The following MECOM variants were observed in gnomAD, a reference collection of about 807,000 sequenced individuals.
MECOM encodes the protein MDS1 and EVI1 complex locus.
In MECOM, 13 loss-of-function variants were observed where a neutral mutation model predicts 116.3. That is an observed-to-expected ratio of 0.11 (90% confidence interval 0.07 to 0.18). The LOEUF (loss-of-function observed/expected upper bound fraction) is 0.18. MECOM is among the 10% of genes least tolerant of loss of function. The pLI, the probability that MECOM is intolerant of heterozygous loss-of-function variation, is 1.00. For missense variants in MECOM, 1,299 were observed against 1,509.0 expected, an observed-to-expected ratio of 0.86 and a Z score of 2.31; for synonymous variants, 528 against 535.2, an observed-to-expected ratio of 0.99 and a Z score of 0.19.
At chr3:169,158,193 T>A (rs1742298263) in intron 2 of MECOM, among the ~76,000 whole-genome samples, 1 of 152,254 alleles carries the variant, frequency 6.6e-6, no homozygotes, top group African/African-American at 2.4e-5. Flanking sequence ...GTGGTGGTTG[T>A]CGTCCCTGGA....
chr3:169,598,831 G>A (rs1436072144), intron 1 of MECOM, among the ~76,000 whole-genome samples: 1 of 152,200 alleles, frequency 6.6e-6, no homozygotes, highest in African/African-American at 2.4e-5. Context: ...GGATCCAAAT[G>A]AGGCCAGAGT....
At chr3:169,628,751 G>A (rs774521229) in intron 1 of MECOM, among the ~76,000 whole-genome samples, 6 of 152,190 alleles carry the variant, frequency 3.9e-5, no homozygotes, top group Non-Finnish European at 7.4e-5. Context: ...ATGATTCAGA[G>A]TTCTCAAGAA....
At chr3:169,089,956 G>A in intron 15 of MECOM, 44 bp downstream of exon 15, 1 of 1,573,502 alleles carries the variant, frequency 6.4e-7, no homozygotes, top group Non-Finnish European at 8.6e-7. Context: ...AACCGTACAT[G>A]GATCTACTCT....
chr3:169,115,991 C>A lies in MECOM; in HGVS notation c.1881G>T (p.Gln627His). The A allele has an allele frequency of 6.2e-7, 1 of 1,614,144 alleles. No homozygotes were observed. The highest frequency in any genetic ancestry group is 8.5e-7 in the Non-Finnish European group (1 of 1,180,030). The change falls in exon 8 of 17, where the codon CAG (glutamine) becomes CAT (histidine). Residue 627 changes from glutamine to histidine, a missense_variant. By Grantham distance (24) the Gln-to-His change is conservative. Around this residue, in one of 6 missense-constraint regions of MECOM, gnomAD observed 238 missense variants for 273.1 expected, o/e 0.87. Transcript: ENST00000651503. ...TCTTATTATTTATTGAAGCCAGATT[C>A]TGAAGAGGGCTTACTTTGTCTTTGA... is the stretch of plus-strand genomic sequence containing the variant. ...KMFKDKVSPL[Q>H]NLASINNKKE...
intron 2 of MECOM, among the ~76,000 whole-genome samples, chr3:169,345,460 A>C (rs1246347867): frequency 6.6e-6 from 1 of 152,128 alleles, no homozygotes; most frequent in African/African-American, 2.4e-5. Context: ...TTTGCCACAA[A>C]TATTGCTGCA....
intron 2 of MECOM, among the ~76,000 whole-genome samples, chr3:169,323,655 G>A (rs1721298873): frequency 6.6e-6 from 1 of 152,178 alleles, no homozygotes; most frequent in Non-Finnish European, 1.5e-5. Context: ...GGCCACCAAA[G>A]GACCTGAATG....
intron 1 of MECOM, among the ~76,000 whole-genome samples, chr3:169,432,292 G>A (rs984690809): frequency 1.1e-4 from 17 of 152,106 alleles, no homozygotes; most frequent in Admixed American, 2.0e-4. Flanking sequence ...CTGAGTAGCT[G>A]GGATTACAGG....
At chr3:169,240,701 G>A (rs1754683235) in intron 2 of MECOM, among the ~76,000 whole-genome samples, 1 of 152,128 alleles carries the variant, frequency 6.6e-6, no homozygotes, top group African/African-American at 2.4e-5. Flanking sequence ...GTCATGAAAT[G>A]GGACAACTAA....
At chr3:169,602,875 G>A (rs530050563) in intron 1 of MECOM, among the ~76,000 whole-genome samples, 4 of 152,194 alleles carry the variant, frequency 2.6e-5, no homozygotes, top group South Asian at 2.1e-4. Flanking sequence ...TGAAATGCTC[G>A]TTAGAAACAT....
intron 2 of MECOM, among the ~76,000 whole-genome samples, chr3:169,312,365 A>ATTTT (rs367932449): frequency 3.4e-5 from 4 of 118,460 alleles, no homozygotes; most frequent in Non-Finnish European, 5.0e-5. Context: ...AATGACTGCA[A>ATTTT]TTTTTTTTTT....
intron 1 of MECOM, among the ~76,000 whole-genome samples, chr3:169,605,131 A>T (rs1448804610): frequency 6.6e-6 from 1 of 152,194 alleles, no homozygotes; most frequent in African/African-American, 2.4e-5. Context: ...TGCCGAAAAA[A>T]ATAACCTGGC....
chr3:169,663,223 C>T, intron 1 of MECOM, 113 bp downstream of exon 1: 1 of 1,297,238 alleles, frequency 7.7e-7, no homozygotes, highest in Non-Finnish European at 1.1e-6. Context: ...CTGCCCTCCA[C>T]CCGGGGCCCC....
intron 2 of MECOM, among the ~76,000 whole-genome samples, chr3:169,175,864 C>T (rs1255526360): frequency 6.6e-6 from 1 of 152,130 alleles, no homozygotes; most frequent in African/African-American, 2.4e-5. Flanking sequence ...CTCGACATGG[C>T]TTTAAACCAC....
chr3:169,235,869 TAAA>T (rs796203861), intron 2 of MECOM, among the ~76,000 whole-genome samples: 1 of 138,426 alleles, frequency 7.2e-6, no homozygotes, highest in Non-Finnish European at 1.6e-5. Flanking sequence ...CCATTTTGCT[TAAA>T]AAAAAAAAAA....
chr3:169,242,266 T>C (rs1255497889), intron 2 of MECOM, among the ~76,000 whole-genome samples: 3 of 152,310 alleles, frequency 2.0e-5, no homozygotes, highest in African/African-American at 7.2e-5. Flanking sequence ...CTCTCAATCC[T>C]GAGAGTCCTG....
intron 1 of MECOM, among the ~76,000 whole-genome samples, chr3:169,426,782 C>T (rs1451640618): frequency 6.6e-6 from 1 of 152,126 alleles, no homozygotes; most frequent in Non-Finnish European, 1.5e-5. Context: ...ATCCTTCTTC[C>T]AAATGCAAAA....
intron 2 of MECOM, chr3:169,146,644 C>G: frequency 7.3e-7 from 1 of 1,362,580 alleles, no homozygotes. Context: ...AAACGGTGCC[C>G]CGGCAGGAAA....
At chr3:169,210,031 G>C (rs2149471709) in intron 2 of MECOM, among the ~76,000 whole-genome samples, 1 of 152,220 alleles carries the variant, frequency 6.6e-6, no homozygotes, top group Middle Eastern at 3.4e-3. Flanking sequence ...CCATAAAAAG[G>C]AATGCGATCA....
At chr3:169,586,498 G>A (rs1765793090) in intron 1 of MECOM, among the ~76,000 whole-genome samples, 1 of 152,134 alleles carries the variant, frequency 6.6e-6, no homozygotes, top group Non-Finnish European at 1.5e-5. Context: ...CGTCCTTAAG[G>A]AATAGGTGAT....
Sources: gnomAD v4.1 joint callset for allele counts (sites outside exome capture counted in the v4.1 genomes callset) on GRCh38, gnomAD v4.1.1 for gene constraint, gnomAD v4.1.1 regional missense constraint, MANE v1.5 for transcripts, NCBI Gene and HGNC (gene_info 2026-07-23, HGNC 2026-07-21) for gene names.